Variants in EVL observed in about 807,000 individuals in gnomAD.
EVL encodes Enah/Vasp-like.
EVL carries 21 observed loss-of-function variants against 59.6 expected under a neutral mutation model. The ratio of observed to expected loss-of-function variants is 0.35; its 90% CI spans 0.25 to 0.51. The LOEUF is 0.51. EVL is among the 20% of genes least tolerant of loss of function. The pLI is 0.97. For synonymous variants in EVL, 198 were observed against 203.5 expected, an observed-to-expected ratio of 0.97 and a Z score of 0.23; for missense variants, 462 against 546.6, an observed-to-expected ratio of 0.85 and a Z score of 1.54.
chr14:100,067,120 G>A (rs1009961655), intron 1 of EVL, among the ~76,000 whole-genome samples: 5 of 152,240 alleles, frequency 3.3e-5, no homozygotes, highest in African/African-American at 1.2e-4. Flanking sequence ...TCCCTCCCCC[G>A]TACAAGGCTG....
At chr14:100,058,951 G>T (rs1245891529) in intron 1 of EVL, among the ~76,000 whole-genome samples, 2 of 152,212 alleles carry the variant, frequency 1.3e-5, no homozygotes, top group South Asian at 2.1e-4. Context: ...CAGTAGTAAC[G>T]TGTGAAGGAC....
rs1393913344 is a variant in EVL at position 100,109,691 on chromosome 14, T to G, written c.358+12033T>G. The G allele has an allele frequency of 3.8e-6, 2 of 532,656 alleles. No homozygotes were observed. The highest frequency in any genetic ancestry group is 7.7e-6 in the Non-Finnish European group (2 of 259,268). The allele number at this position is 532,656 out of a possible 1,614,324, so 33.0% of individuals were successfully genotyped here. ...CAAGGTGAGGGGTGCTATCTGTGATTGAGGGACATGGTTAATGGAATTGTC... is the reference window on the plus strand; with the variant it reads ...CAAGGTGAGGGGTGCTATCTGTGATGGAGGGACATGGTTAATGGAATTGTC... On this transcript the variant is annotated intron_variant, in intron 3 of 13. Transcript: ENST00000392920. The surrounding 1 kb of genome is among the most constrained non-coding windows in gnomAD (Gnocchi z 4.3).
At chr14:100,137,021 AC>A (rs34414263) in intron 9 of EVL, 125,122 of 155,952 alleles carry the variant, frequency 0.8, 50,605 homozygotes, top group African/African-American at 0.91. Context: ...CTGCCCCACT[AC>A]CCCCTAGAGA....
intron 1 of EVL, among the ~76,000 whole-genome samples, chr14:100,044,202 G>A (rs1390363518): frequency 6.6e-6 from 1 of 152,188 alleles, no homozygotes; most frequent in Admixed American, 6.5e-5. Flanking sequence ...CCATTGTGAA[G>A]CAAAAGGGGG....
intron 12 of EVL, 41 bp downstream of exon 12, chr14:100,141,287 A>T: frequency 6.2e-7 from 1 of 1,608,312 alleles, no homozygotes; most frequent in Non-Finnish European, 8.5e-7. Flanking sequence ...GGCTGAGGGC[A>T]GCCAGCAGGC....
chr14:100,047,172 C>T (rs1324685814), intron 1 of EVL, among the ~76,000 whole-genome samples: 3 of 129,892 alleles, frequency 2.3e-5, no homozygotes, highest in Non-Finnish European at 3.1e-5. Context: ...TTCAGGAAGC[C>T]GTTAAACCTA....
At chr14:100,041,327 T>C (rs1267959385) in intron 1 of EVL, among the ~76,000 whole-genome samples, 1 of 152,226 alleles carries the variant, frequency 6.6e-6, no homozygotes, top group African/African-American at 2.4e-5. Context: ...CTCCTTTTAA[T>C]ACAGTAATTG....
intron 1 of EVL, among the ~76,000 whole-genome samples, chr14:100,009,430 T>G (rs2061002601): frequency 6.6e-6 from 1 of 152,262 alleles, no homozygotes; most frequent in South Asian, 2.1e-4. Flanking sequence ...ACTGGACTAG[T>G]CTCCAGAAAT....
rs1343567712 is a variant in EVL, at chr14:99,972,408, G to C, written c.5+351G>C. On this transcript the variant is annotated intron_variant, in intron 1 of 13. Transcript: ENST00000402714. This position sits in a 1 kb window ranked among gnomAD's most constrained non-coding sequence, Gnocchi z 4.4. The stretch of plus-strand genomic sequence containing the variant: ...CCGCGGGCAGGTGTGGCCGTGTCCC[G>C]ACCGCGCGAGGACCGAAGTTGGCGG... Among the ~76,000 whole-genome samples, 1 of 152,090 alleles carries C rather than the reference G, an allele frequency of 6.6e-6. No individual in the cohort carries two copies. The highest frequency in any genetic ancestry group is 1.5e-5 in the Non-Finnish European group (1 of 68,004).
chr14:100,078,025 T>C (rs1190971), intron 1 of EVL, among the ~76,000 whole-genome samples: 143,067 of 152,208 alleles, frequency 0.94, 67,398 homozygotes, highest in African/African-American at 0.96. Flanking sequence ...CCGCCCGCCT[T>C]GGCCTCCCAA....
At chr14:100,103,292 A>G (rs963265648) in intron 3 of EVL, among the ~76,000 whole-genome samples, 1 of 151,806 alleles carries the variant, frequency 6.6e-6, no homozygotes, top group Non-Finnish European at 1.5e-5. Context: ...TGCAAACAGT[A>G]GAAAGGCACA....
intron 1 of EVL, among the ~76,000 whole-genome samples, chr14:100,055,046 C>T (rs967030288): frequency 2.0e-5 from 3 of 152,082 alleles, no homozygotes; most frequent in South Asian, 4.2e-4. Flanking sequence ...ACTGAAAATA[C>T]GAATTAGCTG....
chr14:100,093,793 T>A (rs2062612699), intron 2 of EVL, among the ~76,000 whole-genome samples: 2 of 152,150 alleles, frequency 1.3e-5, no homozygotes, highest in Admixed American at 1.3e-4. Flanking sequence ...TATACAACAG[T>A]CCTCCACTTA....
At chr14:99,982,114 T>C (rs1023736128) in intron 1 of EVL, among the ~76,000 whole-genome samples, 1 of 152,176 alleles carries the variant, frequency 6.6e-6, no homozygotes. Flanking sequence ...CAGATAAGCA[T>C]TGATCCTGCT....
Position 100,065,451 on chromosome 14 carries a change from G to A in EVL, c.-50G>A. The A allele has an allele frequency of 7.0e-7, 1 of 1,419,928 alleles. No individual in the cohort carries two copies. The highest frequency in any genetic ancestry group is 2.6e-5 in the East Asian group (1 of 37,914). The allele number at this position is 1,419,928 out of a possible 1,614,324, so 88.0% of individuals were successfully genotyped here. ...TCCTCTGATCAACATAGGCTGGTGG[G>A]AGTACAGGACTCGCCTCCTCAGGGT... On this transcript the variant is annotated 5_prime_UTR_variant, in exon 1 of 14. Transcript: ENST00000392920.
intron 1 of EVL, among the ~76,000 whole-genome samples, chr14:100,048,338 A>G (rs1308474820): frequency 1.3e-5 from 2 of 152,234 alleles, no homozygotes; most frequent in Non-Finnish European, 2.9e-5. Context: ...TGGGCAAAAG[A>G]CAGACACTTC....
intron 1 of EVL, among the ~76,000 whole-genome samples, chr14:100,005,980 C>CT (rs1183782571): frequency 1.3e-3 from 186 of 143,062 alleles, no homozygotes; most frequent in Middle Eastern, 3.6e-3. Flanking sequence ...AAAATCTTTC[C>CT]TTTTTTTTTT....
chr14:100,020,030 T>C (rs1302957070), intron 1 of EVL, among the ~76,000 whole-genome samples: 2 of 152,240 alleles, frequency 1.3e-5, no homozygotes, highest in Non-Finnish European at 2.9e-5. Flanking sequence ...TGCTATCTTT[T>C]GTTTTTCTTC....
At chr14:99,988,167 C>T (rs977215017) in intron 1 of EVL, among the ~76,000 whole-genome samples, 1 of 151,956 alleles carries the variant, frequency 6.6e-6, no homozygotes, top group East Asian at 1.9e-4. Context: ...CTGCCCACCT[C>T]GACCTCCCAA....
Sources: gnomAD v4.1 joint callset for allele counts (sites outside exome capture counted in the v4.1 genomes callset) on GRCh38, gnomAD v4.1.1 for gene constraint, Gnocchi (gnomAD v3.1) non-coding constraint, MANE v1.5 for transcripts, NCBI Gene and HGNC (gene_info 2026-07-23, HGNC 2026-07-21) for gene names.